The following SLC25A21 variants were observed in gnomAD, a reference collection of about 807,000 sequenced individuals.
The protein encoded by SLC25A21 is mitochondrial 2-oxodicarboxylate carrier.
A neutral mutation model predicts 43.8 loss-of-function variants in SLC25A21; 47 were observed. The observed-to-expected ratio is 1.07, with a 90% CI of 0.85 to 1.37. The LOEUF is 1.37. Ranked by LOEUF, SLC25A21 falls within the 40% of genes most tolerant of loss-of-function variation. SLC25A21 has a pLI of 0.00. For synonymous variants in SLC25A21, 131 were observed against 121.3 expected (o/e 1.08, Z -0.52); for missense variants, 352 against 350.2 (o/e 1.00, Z -0.04).
chr14:36,721,286 C>T (rs1265580430), intron 6 of SLC25A21, among the ~76,000 whole-genome samples: 1 of 152,202 alleles, frequency 6.6e-6, no homozygotes, highest in Non-Finnish European at 1.5e-5. Context: ...ACTTAACCCT[C>T]ATTTGACTGT....
At chr14:36,763,530 C>T (rs1233295640) in intron 3 of SLC25A21, among the ~76,000 whole-genome samples, 1 of 152,130 alleles carries the variant, frequency 6.6e-6, no homozygotes, top group Admixed American at 6.5e-5. Context: ...ACAGGAAGAA[C>T]TTTGAACTGT....
intron 1 of SLC25A21, among the ~76,000 whole-genome samples, chr14:37,016,204 T>C (rs1383579562): frequency 3.3e-5 from 5 of 152,188 alleles, no homozygotes; most frequent in Admixed American, 6.5e-5. Context: ...TAATCCATCT[T>C]GAATTAATTT....
intron 6 of SLC25A21, among the ~76,000 whole-genome samples, chr14:36,716,394 A>T (rs1308670913): frequency 6.6e-6 from 1 of 152,110 alleles, no homozygotes; most frequent in Admixed American, 6.5e-5. Flanking sequence ...TTTGTTAAAT[A>T]AGTAAATTTT....
intron 1 of SLC25A21, among the ~76,000 whole-genome samples, chr14:37,038,941 T>C (rs7154531): frequency 0.044 from 6,686 of 152,184 alleles, 467 homozygotes; most frequent in African/African-American, 0.15. Context: ...ACAGGCCACA[T>C]AGACAAAGGG....
At chr14:37,034,198 A>G (rs1288150824) in intron 1 of SLC25A21, among the ~76,000 whole-genome samples, 1 of 152,010 alleles carries the variant, frequency 6.6e-6, no homozygotes, top group East Asian at 1.9e-4. Flanking sequence ...TTGTATTTTT[A>G]GTAGAGACAG....
intron 6 of SLC25A21, among the ~76,000 whole-genome samples, chr14:36,716,517 C>A (rs917580291): frequency 6.6e-6 from 1 of 152,038 alleles, no homozygotes; most frequent in Non-Finnish European, 1.5e-5. Context: ...ATGTTGTAAA[C>A]CTCAAATATA....
At chr14:37,055,430 T>A (rs998849364) in intron 1 of SLC25A21, among the ~76,000 whole-genome samples, 8 of 152,202 alleles carry the variant, frequency 5.3e-5, no homozygotes. Context: ...AAAGGTGGAA[T>A]CCCATTTCCT....
At chr14:36,961,964 C>A (rs1959502995) in intron 1 of SLC25A21, among the ~76,000 whole-genome samples, 1 of 152,086 alleles carries the variant, frequency 6.6e-6, no homozygotes, top group African/African-American at 2.4e-5. Context: ...CCCAGGACAG[C>A]AATTAGGGGT....
chr14:36,734,487 C>T lies in SLC25A21; in HGVS notation c.270+20G>A, dbSNP rs762621751. 36 of 1,594,422 alleles carry T rather than the reference C, an allele frequency of 2.3e-5. No homozygotes were observed. Among genetic ancestry groups the T allele is most frequent in the South Asian group, 6.8e-5 (6 of 87,946 alleles). On this transcript the variant is annotated intron_variant, in intron 4 of 9. Coordinates refer to ENST00000331299, the MANE Select transcript of SLC25A21 (RefSeq NM_030631.4). Reference sequence around the variant, plus strand: ...TACTGTGCCCTACTTTTGCTTGGTGCGAACGCATGCAATGCTTACCTTCAC... The same window carrying T: ...TACTGTGCCCTACTTTTGCTTGGTGTGAACGCATGCAATGCTTACCTTCAC...
intron 7 of SLC25A21, among the ~76,000 whole-genome samples, chr14:36,700,314 G>A (rs1283233485): frequency 6.6e-6 from 1 of 152,176 alleles, no homozygotes; most frequent in Non-Finnish European, 1.5e-5. Context: ...AAAGGTGTGT[G>A]TTCATGTCAC....
intron 1 of SLC25A21, 127 bp from the exon 2 acceptor site, chr14:36,875,131 A>ATAG: frequency 1.6e-6 from 1 of 606,462 alleles, no homozygotes; most frequent in Non-Finnish European, 2.9e-6. Context: ...ATGACAGCTA[A>ATAG]TAGTAATAGG....
intron 1 of SLC25A21, among the ~76,000 whole-genome samples, chr14:36,923,747 T>A (rs969301549): frequency 1.3e-5 from 2 of 152,090 alleles, no homozygotes; most frequent in African/African-American, 4.8e-5. Context: ...AAATATTTTT[T>A]AAAAATAGCA....
intron 1 of SLC25A21, among the ~76,000 whole-genome samples, chr14:37,056,247 T>C (rs1312922059): frequency 3.3e-5 from 5 of 152,080 alleles, no homozygotes; most frequent in Non-Finnish European, 5.9e-5. Context: ...TCCCAGCACT[T>C]TGGGAGGCCG....
chr14:36,893,294 G>A (rs1891134701), intron 1 of SLC25A21, among the ~76,000 whole-genome samples: 1 of 152,178 alleles, frequency 6.6e-6, no homozygotes, highest in African/African-American at 2.4e-5. Flanking sequence ...TTTCTCTGAT[G>A]GCCAGTGATG....
At chr14:37,089,534 T>A (rs544190301) in intron 1 of SLC25A21, among the ~76,000 whole-genome samples, 1 of 152,340 alleles carries the variant, frequency 6.6e-6, no homozygotes, top group East Asian at 1.9e-4. Flanking sequence ...CAAAAACGTT[T>A]CTGCTGCCTT....
At chr14:37,171,379 T>C (rs1964125761) in intron 1 of SLC25A21, among the ~76,000 whole-genome samples, 1 of 152,124 alleles carries the variant, frequency 6.6e-6, no homozygotes, top group African/African-American at 2.4e-5. Flanking sequence ...CTAGTCGAAG[T>C]TAAACATTAA....
chr14:36,771,502 C>T (rs536318422), intron 3 of SLC25A21, among the ~76,000 whole-genome samples: 2 of 152,084 alleles, frequency 1.3e-5, no homozygotes, highest in South Asian at 2.1e-4. Flanking sequence ...TACAGTGCCA[C>T]GGAAGAGATG....
chr14:36,879,237 A>G (rs1342577663), intron 1 of SLC25A21, among the ~76,000 whole-genome samples: 1 of 152,230 alleles, frequency 6.6e-6, no homozygotes, highest in East Asian at 1.9e-4. Context: ...TTAGAAAAAC[A>G]TAAAACACAT....
At chr14:36,750,608 C>A (rs1471925382) in intron 3 of SLC25A21, among the ~76,000 whole-genome samples, 1 of 152,088 alleles carries the variant, frequency 6.6e-6, no homozygotes, top group African/African-American at 2.4e-5. Flanking sequence ...AACATGAATT[C>A]TTGGGCCTTA....
Sources: allele counts gnomAD v4.1 joint callset (sites outside exome capture counted in the v4.1 genomes callset), GRCh38; gene constraint gnomAD v4.1.1; transcripts MANE v1.5; gene names NCBI Gene and HGNC (gene_info 2026-07-23, HGNC 2026-07-21).